Variants in PLEKHA4 observed in about 807,000 individuals in gnomAD.
The protein encoded by PLEKHA4 is pleckstrin homology domain-containing family A member 4.
Under a neutral mutation model 94.7 loss-of-function variants are expected in PLEKHA4, and 73 were observed. That is an observed-to-expected ratio of 0.77 (90% CI 0.64 to 0.94). The LOEUF (loss-of-function observed/expected upper bound fraction) is 0.94. Ranked by LOEUF, PLEKHA4 falls within the 40% of genes least tolerant of loss-of-function variation. PLEKHA4 has a pLI of 0.00. For missense variants in PLEKHA4, 1,049 were observed against 1,054.1 expected, an observed-to-expected ratio of 1.00 and a Z score of 0.07; for synonymous variants, 449 against 437.1, an observed-to-expected ratio of 1.03 and a Z score of -0.34.
At chr19:48,866,724 C>T (rs2036848108) in intron 2 of PLEKHA4, among the ~76,000 whole-genome samples, 1 of 152,164 alleles carries the variant, frequency 6.6e-6, no homozygotes, top group African/African-American at 2.4e-5. Context: ...GCCACCAGAG[C>T]CAGAGCTGTA....
intron 11 of PLEKHA4, 52 bp from the exon 12 acceptor site, chr19:48,853,883 G>T: frequency 6.3e-7 from 1 of 1,587,202 alleles, no homozygotes; most frequent in Non-Finnish European, 8.6e-7. Context: ...CTAGCCCCAA[G>T]AAGAAAGAAA....
chr19:48,851,632 A>G (rs940766501), intron 13 of PLEKHA4, among the ~76,000 whole-genome samples: 5 of 150,670 alleles, frequency 3.3e-5, no homozygotes, highest in Non-Finnish European at 5.9e-5. Context: ...CCCTCAAAAA[A>G]AAATGTTGTA....
rs2036031050 is a variant in PLEKHA4 at position 48,847,962 on chromosome 19, G to T, written c.1504C>A (p.Pro502Thr). ...GATGGGGAGTCAGGCTCAGTGTGTG[G>T]GGGCGGTTTCTGGGGGCCACCCAGA... Reference protein sequence around the residue: ...AGLGGPQKPPPHTEPDSPSPV... With the variant: ...AGLGGPQKPPTHTEPDSPSPV... Residue 502 changes from proline to threonine, a missense_variant, in exon 14 of 20, where the codon CCA (proline) becomes ACA (threonine). Transcript: ENST00000263265. 6 of 1,612,626 alleles carry T rather than the reference G, an allele frequency of 3.7e-6. No individual in the cohort carries two copies. The highest frequency in any genetic ancestry group is 5.1e-6 in the Non-Finnish European group (6 of 1,179,496).
chr19:48,844,078 G>A (rs2035865990), intron 16 of PLEKHA4, among the ~76,000 whole-genome samples: 1 of 151,362 alleles, frequency 6.6e-6, no homozygotes, highest in Non-Finnish European at 1.5e-5. Context: ...TGGGATTACA[G>A]GCATGAGCCA....
In PLEKHA4 at chr19:48,837,986, A is replaced by T; in HGVS notation, c.2077+31T>A. On this transcript the variant is annotated intron_variant, in intron 19 of 19. Transcript: ENST00000263265. The surrounding 1 kb of genome is among the most constrained non-coding windows in gnomAD (Gnocchi z 4.3). Reference sequence around the variant, plus strand: ...GGTCTCCAGCTCTCTCCTCCCTAAAACCCAGAAGTCCAACATCCCCAGCCA... The same window carrying T: ...GGTCTCCAGCTCTCTCCTCCCTAAATCCCAGAAGTCCAACATCCCCAGCCA... 6.4e-7 allele frequency: 1 copy of T among 1,559,604 alleles called. No individual in the cohort carries two copies. Among genetic ancestry groups the T allele is most frequent in the Non-Finnish European group, 8.8e-7 (1 of 1,133,228 alleles).
chr19:48,860,297 A>T, intron 6 of PLEKHA4, 53 bp downstream of exon 6: 1 of 1,482,912 alleles, frequency 6.7e-7, no homozygotes, highest in East Asian at 2.3e-5. Flanking sequence ...AGTTGGGATG[A>T]CGAGACTGAC....
Position 48,859,510 on chromosome 19 carries a change from G to A in PLEKHA4, c.651C>T (p.Asp217=), listed in dbSNP as rs756152787. The change falls in exon 7 of 20, where the codon GAC becomes GAT. Residue 217 remains aspartate, a synonymous_variant. Transcript: ENST00000263265. ...TCCGCATCTGGAGTCCAGAGTGGAG[G>A]TCGGTTGTGGGGCTGGGAGTGAGCA... ...PRLLTPSPTT[D]LHSGLQMRRA... is the part of the protein sequence containing the mutation. 1.2e-5 allele frequency: 19 copies of A among 1,614,016 alleles called. No individual in the cohort carries two copies. Among genetic ancestry groups the A allele is most frequent in the Non-Finnish European group, 1.6e-5 (19 of 1,180,032 alleles).
At position 48,853,681 on chromosome 19, in the gene PLEKHA4, C is replaced by A. The variant is rs534408620; in HGVS notation, c.1326+1G>T. The A allele has an allele frequency of 5.6e-5, 87 of 1,565,108 alleles. No homozygotes were observed. The highest frequency in any genetic ancestry group is 6.9e-5 in the Non-Finnish European group (80 of 1,158,724). ...GGGCAGGCCCCTTCCCAGGTGCTCA[C>A]CTGAGTCAAGTGACAGAGGGTGGCC... On this transcript the variant is annotated splice_donor_variant, in intron 12 of 19. Transcript: ENST00000263265. LOFTEE classifies it high-confidence loss of function.
Position 48,860,353 on chromosome 19 carries a change from T to C in PLEKHA4, c.473A>G (p.Asp158Gly), listed in dbSNP as rs112362265. Residue 158 changes from aspartate to glycine, a missense_variant, in exon 6 of 20, where the codon GAC becomes GGC. Coordinates refer to ENST00000263265, the MANE Select transcript of PLEKHA4 (RefSeq NM_020904.3). Reference protein sequence around the residue: ...LGRASRAEGDDYGQPRSPARP... With the variant: ...LGRASRAEGDGYGQPRSPARP... Reference sequence around the variant, plus strand: ...CATGGCTTGGACCTCTACTCACTAGTCGTCCCCCTCCGCACGGGAGGCCCG... The same window carrying C: ...CATGGCTTGGACCTCTACTCACTAGCCGTCCCCCTCCGCACGGGAGGCCCG... 6.2e-7 allele frequency: 1 copy of C among 1,612,542 alleles called. No homozygotes were observed. The highest frequency in any genetic ancestry group is 8.5e-7 in the Non-Finnish European group (1 of 1,179,012).
rs547824789 is a variant in PLEKHA4, at chr19:48,837,353, G to A, written c.2276C>T (p.Pro759Leu). The A allele has an allele frequency of 8.3e-5, 134 of 1,613,786 alleles. 1 individual carries two copies. In the South Asian group the frequency reaches 1.2e-3, roughly 15 times the overall value. Residue 759 changes from proline (P) to leucine (L), a missense_variant, in exon 20 of 20, where the codon CCG becomes CTG. Coordinates refer to ENST00000263265, the MANE Select transcript of PLEKHA4 (RefSeq NM_020904.3). This position sits in a 1 kb window ranked among gnomAD's most constrained non-coding sequence, Gnocchi z 4.3. Reference sequence around the variant, plus strand: ...TGCCCCCTCGTCTTGTGGCAGGACCGGAGGGGCGATCCCGGCATCCCACGC... The same window carrying A: ...TGCCCCCTCGTCTTGTGGCAGGACCAGAGGGGCGATCCCGGCATCCCACGC... ...GPAWDAGIAP[P>L]VLPQDEGAWP...
At chr19:48,846,174 C>T (rs1019910253) in intron 14 of PLEKHA4, among the ~76,000 whole-genome samples, 5 of 151,918 alleles carry the variant, frequency 3.3e-5, no homozygotes. Flanking sequence ...CTTTTTAAGG[C>T]TGGGCGCGGT....
In PLEKHA4 at chr19:48,860,480, G is replaced by A. The variant is rs1470937354; in HGVS notation, c.367-21C>T. 5.7e-6 allele frequency: 9 copies of A among 1,583,616 alleles called. No individual in the cohort carries two copies. In the Admixed American group the frequency reaches 1.5e-4, roughly 26 times the overall value. On this transcript the variant is annotated intron_variant, in intron 5 of 19. Coordinates refer to ENST00000263265, the MANE Select transcript of PLEKHA4 (RefSeq NM_020904.3). ...TCTGCCTGCGGGAAGAGAAGGCTTG[G>A]AATCCGGACTCCCGGGCCTTGTAAA...
Position 48,865,613 on chromosome 19 carries a change from G to A in PLEKHA4, c.85-3C>T. On this transcript the variant is annotated splice_region_variant and splice_polypyrimidine_tract_variant and intron_variant, in intron 2 of 19. Transcript: ENST00000263265. ...TTGTTTACTGCCCGGGTGGGCTTCTGAGGAGAGAAGGGGACAGAAGTGAAC... is the reference window on the plus strand; with the variant it reads ...TTGTTTACTGCCCGGGTGGGCTTCTAAGGAGAGAAGGGGACAGAAGTGAAC... 6.2e-7 allele frequency: 1 copy of A among 1,603,030 alleles called. No individual in the cohort carries two copies. Among genetic ancestry groups the A allele is most frequent in the East Asian group, 2.2e-5 (1 of 44,830 alleles).
At chr19:48,856,156 A>G (rs908297387) in intron 9 of PLEKHA4, among the ~76,000 whole-genome samples, 1 of 148,320 alleles carries the variant, frequency 6.7e-6, no homozygotes, top group African/African-American at 2.5e-5. Flanking sequence ...GGGCAACAAG[A>G]GTGAAACTCC....
intron 13 of PLEKHA4, among the ~76,000 whole-genome samples, chr19:48,851,931 G>A (rs759000282): frequency 7.2e-5 from 11 of 152,118 alleles, no homozygotes; most frequent in African/African-American, 2.4e-4. Flanking sequence ...GCGACAGAGT[G>A]AGACTGTCTT....
intron 8 of PLEKHA4, among the ~76,000 whole-genome samples, 171 bp downstream of exon 8, chr19:48,858,689 G>C (rs1472233932): frequency 6.9e-6 from 1 of 145,632 alleles, no homozygotes; most frequent in African/African-American, 2.7e-5. Context: ...AGACACCTGA[G>C]AGGAGCTGGA....
In PLEKHA4 at chr19:48,854,237, G is replaced by A. The variant is rs2036316165; in HGVS notation, c.1075C>T (p.His359Tyr). ...LPGPPLESTF[H>Y]QSLETDTLLT... ...CTTACATCTGTCTCCAAGCTTTGGT[G>A]GAAAGTTGACTCCAGGGGAGGACCC... is the stretch of plus-strand genomic sequence containing the variant. Residue 359 changes from histidine (H) to tyrosine (Y), a missense_variant, in exon 10 of 20, where the codon CAC (histidine) becomes TAC (tyrosine). Transcript: ENST00000263265. 15 of 1,614,016 alleles carry A rather than the reference G, an allele frequency of 9.3e-6. No homozygotes were observed. Among genetic ancestry groups the A allele is most frequent in the African/African-American group, 1.3e-5 (1 of 74,926 alleles).
intron 13 of PLEKHA4, among the ~76,000 whole-genome samples, chr19:48,850,349 C>T (rs950745417): frequency 6.6e-6 from 1 of 151,552 alleles, no homozygotes; most frequent in Admixed American, 6.6e-5. Flanking sequence ...ACTAAAAATA[C>T]AAAAATTAGC....
chr19:48,840,676 T>G (rs2035726234), intron 17 of PLEKHA4, among the ~76,000 whole-genome samples: 1 of 151,884 alleles, frequency 6.6e-6, no homozygotes, highest in African/African-American at 2.4e-5. Context: ...CCGCCCTCCT[T>G]GGCCTCCCAA....
Sources: allele counts gnomAD v4.1 joint callset (sites outside exome capture counted in the v4.1 genomes callset), GRCh38; gene constraint gnomAD v4.1.1; non-coding constraint Gnocchi (gnomAD v3.1); transcripts MANE v1.5; gene names NCBI Gene and HGNC (gene_info 2026-07-23, HGNC 2026-07-21).